The following DHX38 variants were observed in gnomAD, a reference collection of about 807,000 sequenced individuals.
DHX38 encodes DEAH-box helicase 38.
DHX38 carries 100 observed loss-of-function variants against 153.1 expected under a neutral mutation model. The observed-to-expected ratio is 0.65, with a 90% CI of 0.56 to 0.77. DHX38 has a LOEUF of 0.77. Among genes scored for constraint, DHX38 ranks in the 30% least tolerant of loss-of-function variants. The pLI, the probability that DHX38 is intolerant of heterozygous loss-of-function variation, is 0.00. For synonymous variants in DHX38, 650 were observed against 631.7 expected (o/e 1.03, Z -0.43); for missense variants, 1,440 against 1,654.0 (o/e 0.87, Z 2.24).
intron 25 of DHX38, 80 bp downstream of exon 25, chr16:72,109,590 G>C (rs1424258722): frequency 1.5e-6 from 2 of 1,353,524 alleles, no homozygotes; most frequent in East Asian, 2.8e-5. Context: ...GAAGACTTGC[G>C]GTCATCCAAC....
Position 72,104,502 on chromosome 16 carries a change from C to G in DHX38, c.2027C>G (p.Ser676Ter). The G allele has an allele frequency of 1.2e-6, 2 of 1,614,002 alleles. No homozygotes were observed. Among genetic ancestry groups the G allele is most frequent in the Non-Finnish European group, 1.7e-6 (2 of 1,180,024 alleles). Residue 676 changes from serine to a stop codon, truncating the protein, a stop_gained, in exon 15 of 27, where the codon TCA becomes TGA. Coordinates refer to ENST00000268482, the MANE Select transcript of DHX38 (RefSeq NM_014003.4). LOFTEE classifies it high-confidence loss of function. This position sits in a 1 kb window ranked among gnomAD's most constrained non-coding sequence, Gnocchi z 4.5. ...GLLREVVARRSDLKLIVTSAT... is the reference protein window; with the variant it reads ...GLLREVVARR ...TTCTCTCAGGTAGTGGCTCGGCGCT[C>G]AGACCTGAAGCTCATCGTCACATCA...
chr16:72,106,369 C>T (rs2042176987), intron 19 of DHX38, among the ~76,000 whole-genome samples: 2 of 152,182 alleles, frequency 1.3e-5, no homozygotes, highest in African/African-American at 2.4e-5. Context: ...TACAGCCTGC[C>T]TCCCTTCAGA....
intron 11 of DHX38, among the ~76,000 whole-genome samples, chr16:72,102,558 G>C (rs2042115744): frequency 6.6e-6 from 1 of 152,176 alleles, no homozygotes. Flanking sequence ...GTTTAGTGGG[G>C]CTGTTTTCAC....
At chr16:72,099,647 C>T (rs2042071455) in intron 7 of DHX38, 85 bp from the exon 8 acceptor site, 3 of 1,546,400 alleles carry the variant, frequency 1.9e-6, no homozygotes, top group Admixed American at 3.7e-5. Flanking sequence ...TGACTTCCTA[C>T]CAAGCGTCCC....
intron 12 of DHX38, 116 bp from the exon 13 acceptor site, chr16:72,103,486 C>T: frequency 8.3e-7 from 1 of 1,207,504 alleles, no homozygotes; most frequent in Non-Finnish European, 1.2e-6. Flanking sequence ...CCCTTCTAAA[C>T]CGGCATGCTC....
chr16:72,106,767 T>G (rs564207006), intron 19 of DHX38, among the ~76,000 whole-genome samples: 29 of 152,322 alleles, frequency 1.9e-4, no homozygotes, highest in African/African-American at 6.3e-4. Context: ...CCCTTTTTTG[T>G]TCCAATTAAA....
chr16:72,100,755 AC>A (rs1258902150), intron 9 of DHX38, among the ~76,000 whole-genome samples, 158 bp downstream of exon 9: 1 of 152,044 alleles, frequency 6.6e-6, no homozygotes, highest in Non-Finnish European at 1.5e-5. Context: ...ATATAGTGAA[AC>A]CCTGTCTCAA....
intron 26 of DHX38, among the ~76,000 whole-genome samples, chr16:72,111,837 G>A (rs2042261070): frequency 6.6e-6 from 1 of 152,208 alleles, no homozygotes; most frequent in African/African-American, 2.4e-5. Flanking sequence ...ATTGTCATGT[G>A]GTAGAGCTCA....
chr16:72,094,870 C>T (rs1476137829), intron 1 of DHX38, among the ~76,000 whole-genome samples: 1 of 152,244 alleles, frequency 6.6e-6, no homozygotes, highest in Admixed American at 6.5e-5. Flanking sequence ...TCCAGGGTAC[C>T]TTTCCTAGTT....
At chr16:72,103,363 C>T in intron 12 of DHX38, 152 bp downstream of exon 12, 2 of 1,159,630 alleles carry the variant, frequency 1.7e-6, no homozygotes, top group Non-Finnish European at 1.2e-6. Flanking sequence ...GGGTACACTG[C>T]ACAAAGTAAC....
rs1280440749 is a variant in DHX38 at position 72,104,451 on chromosome 16, C to T, written c.2011-35C>T. 1 of 1,610,076 alleles carries T rather than the reference C, an allele frequency of 6.2e-7. No homozygotes were observed. The highest frequency in any genetic ancestry group is 1.3e-5 in the African/African-American group (1 of 74,966). On this transcript the variant is annotated intron_variant, in intron 14 of 26. Transcript: ENST00000268482. This position sits in a 1 kb window ranked among gnomAD's most constrained non-coding sequence, Gnocchi z 4.5. ...CTGGGGGACAGGAGCCAAGGGTCCC[C>T]ACCATGGGGGCCTCCGAGCCGCCTC...
chr16:72,095,416 C>T (rs948091307), intron 1 of DHX38, among the ~76,000 whole-genome samples: 10 of 152,174 alleles, frequency 6.6e-5, no homozygotes, highest in African/African-American at 2.4e-4. Flanking sequence ...AGAACATGGA[C>T]GGTAGCCTTC....
At chr16:72,110,049 A>G (rs1334786475) in intron 25 of DHX38, among the ~76,000 whole-genome samples, 1 of 152,260 alleles carries the variant, frequency 6.6e-6, no homozygotes, top group Admixed American at 6.5e-5. Context: ...TATCTCAAAG[A>G]TAACTTCTTA....
intron 23 of DHX38, 40 bp downstream of exon 23, chr16:72,108,647 C>A (rs778677397): frequency 3.1e-6 from 5 of 1,604,222 alleles, no homozygotes; most frequent in African/African-American, 2.7e-5. Context: ...CAGCCTGATA[C>A]CTGTATAAGG....
intron 4 of DHX38, 79 bp downstream of exon 4, chr16:72,097,860 T>C (rs1365263315): frequency 1.5e-6 from 2 of 1,334,858 alleles, no homozygotes; most frequent in Non-Finnish European, 2.1e-6. Flanking sequence ...TTCAGTGAGA[T>C]TGCTGAGGCA....
At chr16:72,102,957 T>C in intron 11 of DHX38, 117 bp from the exon 12 acceptor site, 1 of 1,405,408 alleles carries the variant, frequency 7.1e-7, no homozygotes, top group Non-Finnish European at 9.7e-7. Context: ...GCTGCTTTGG[T>C]GTCTCAGACT....
In DHX38 at chr16:72,108,454, CCTCCGTCT is replaced by C; in HGVS notation, c.3121-17_3121-10del. On this transcript the variant is annotated splice_polypyrimidine_tract_variant and intron_variant, in intron 22 of 26. Transcript: ENST00000268482. Reference sequence around the variant, plus strand: ...AGGAAAGGAGGGCTCCCTCCTGGTGCCTCCGTCTCCTGCCCTAGGTCCGGGAGGTGCGA... The same window carrying C: ...AGGAAAGGAGGGCTCCCTCCTGGTGCCCTGCCCTAGGTCCGGGAGGTGCGA... The C allele has an allele frequency of 6.2e-7, 1 of 1,613,852 alleles. No homozygotes were observed. The highest frequency in any genetic ancestry group is 8.5e-7 in the Non-Finnish European group (1 of 1,179,788).
chr16:72,111,165 A>G (rs1459116688), intron 26 of DHX38, 88 bp downstream of exon 26: 13 of 1,449,116 alleles, frequency 9.0e-6, no homozygotes, highest in Non-Finnish European at 1.1e-5. Context: ...GTCAGGATTT[A>G]TGGGAAGGTG....
intron 1 of DHX38, among the ~76,000 whole-genome samples, chr16:72,095,882 A>G (rs2042007911): frequency 6.7e-6 from 1 of 148,836 alleles, no homozygotes; most frequent in Non-Finnish European, 1.5e-5. Context: ...GGGGCTGGGG[A>G]GGAATGTATG....
Sources: gnomAD v4.1 joint callset for allele counts (sites outside exome capture counted in the v4.1 genomes callset) on GRCh38, gnomAD v4.1.1 for gene constraint, Gnocchi (gnomAD v3.1) non-coding constraint, MANE v1.5 for transcripts, NCBI Gene and HGNC (gene_info 2026-07-23, HGNC 2026-07-21) for gene names.